SYMPK: variants seen among roughly 807,000 people sequenced by gnomAD.
SYMPK encodes the protein symplekin scaffold protein, also known as symplekin.
A neutral mutation model predicts 136.4 loss-of-function variants in SYMPK; 49 were observed. The observed-to-expected ratio is 0.36, with a 90% CI of 0.29 to 0.46. SYMPK has a LOEUF of 0.46. SYMPK is among the 20% of genes least tolerant of loss of function. SYMPK has a pLI of 1.00. For synonymous variants in SYMPK, 766 were observed against 713.0 expected (o/e 1.07, Z -1.19); for missense variants, 1,365 against 1,690.0 (o/e 0.81, Z 3.37).
chr19:45,816,794 G>A lies in SYMPK; in HGVS notation c.3258+4C>T. On this transcript the variant is annotated splice_donor_region_variant and intron_variant, in intron 24 of 26. Transcript: ENST00000245934. The stretch of plus-strand genomic sequence containing the variant: ...AAAGGGTACCTGGTGGGGGGAAGGG[G>A]TACCTGGTGGGGGGTGAAGGAGCGG... 1.3e-6 allele frequency: 2 copies of A among 1,527,000 alleles called. No homozygotes were observed. Among genetic ancestry groups the A allele is most frequent in the Non-Finnish European group, 1.8e-6 (2 of 1,136,682 alleles). 94.6% of individuals were successfully genotyped at this position (1,527,000 alleles called of 1,614,324 possible).
chr19:45,817,417 C>CTCTTTTTT lies in SYMPK; in HGVS notation c.3082-444_3082-443insAAAAAAGA, dbSNP rs1568605965. Among the ~76,000 whole-genome samples, 28 of 108,478 alleles carry CTCTTTTTT rather than the reference C, an allele frequency of 2.6e-4. 2 individuals are homozygous for CTCTTTTTT. The highest frequency in any genetic ancestry group is 8.5e-4 in the African/African-American group (24 of 28,266). 71.2% of individuals were successfully genotyped at this position (108,478 alleles called of 152,430 possible). A position where few individuals can be genotyped will look rare whatever the true frequency, so the allele number is the denominator to read the frequency against. Reference sequence around the variant, plus strand: ...CTGCGGGGTTTGGTTTTTTTGTTCTCTTTTTTTTTTTTTTTTTTTTTTTTT... The same window carrying CTCTTTTTT: ...CTGCGGGGTTTGGTTTTTTTGTTCTCTCTTTTTTTTTTTTTTTTTTTTTTTTTTTTTTT... On this transcript the variant is annotated intron_variant, in intron 23 of 26. Transcript: ENST00000245934.
intron 1 of SYMPK, among the ~76,000 whole-genome samples, chr19:45,856,269 G>A (rs1024143107): frequency 8.5e-5 from 13 of 152,056 alleles, no homozygotes; most frequent in Non-Finnish European, 1.9e-4. Context: ...GAACCCAGGA[G>A]GCGGAGGTTG....
chr19:45,827,656 C>T (rs772144823), intron 15 of SYMPK, 33 bp from the exon 16 acceptor site: 1 of 1,588,764 alleles, frequency 6.3e-7, no homozygotes, highest in East Asian at 2.2e-5. Flanking sequence ...CGAGCTCAGC[C>T]CACCTGAGTG....
intron 23 of SYMPK, among the ~76,000 whole-genome samples, chr19:45,817,417 C>CTTTTTTTTT (rs559430104): frequency 9.2e-6 from 1 of 108,476 alleles, no homozygotes; most frequent in Non-Finnish European, 1.9e-5. Context: ...TTTTTGTTCT[C>CTTTTTTTTT]TTTTTTTTTT....
Position 45,815,608 on chromosome 19 carries a change from G to A in SYMPK, c.3777C>T (p.Ser1259=). 3.1e-6 allele frequency: 5 copies of A among 1,608,706 alleles called. No homozygotes were observed. Among genetic ancestry groups the A allele is most frequent in the Middle Eastern group, 1.7e-4 (1 of 6,034 alleles). Residue 1259 remains serine (S), a synonymous_variant, in exon 27 of 27, where the codon AGC becomes AGT. Transcript: ENST00000245934. ...PVGEDAMKTP[S]PAAEDAREPE... Reference sequence around the variant, plus strand: ...GTTCCCTGGCGTCCTCGGCAGCCGGGCTGGGAGTCTTCATAGCATCTTCTC... The same window carrying A: ...GTTCCCTGGCGTCCTCGGCAGCCGGACTGGGAGTCTTCATAGCATCTTCTC...
chr19:45,831,301 GCA>G (rs1971167942), intron 12 of SYMPK, 81 bp downstream of exon 12: 1 of 913,848 alleles, frequency 1.1e-6, no homozygotes. Flanking sequence ...ACACGCACAC[GCA>G]CACGCACACG....
In SYMPK at chr19:45,854,374, C is replaced by T; in HGVS notation, c.105+17G>A. On this transcript the variant is annotated intron_variant, in intron 2 of 26. Coordinates refer to ENST00000245934, the MANE Select transcript of SYMPK (RefSeq NM_004819.3). ...GGGCTATGCTTCCTCACTCCAAGCC[C>T]TACCCGCCACGCTCACCCTCTCTGA... The T allele has an allele frequency of 1.2e-6, 2 of 1,613,270 alleles. No individual in the cohort carries two copies. The highest frequency in any genetic ancestry group is 1.7e-6 in the Non-Finnish European group (2 of 1,179,296).
chr19:45,856,188 T>C (rs1971817625), intron 1 of SYMPK, among the ~76,000 whole-genome samples: 1 of 152,044 alleles, frequency 6.6e-6, no homozygotes, highest in South Asian at 2.1e-4. Context: ...ACCCCATCTC[T>C]AGTAAAAATA....
intron 1 of SYMPK, 133 bp downstream of exon 1, chr19:45,862,925 G>A (rs1972009818): frequency 5.0e-6 from 2 of 399,552 alleles, no homozygotes; most frequent in Admixed American, 4.4e-5. Context: ...AGGGTCCTGA[G>A]CAAGGGAAGA....
At chr19:45,859,621 C>CA (rs940536990) in intron 1 of SYMPK, among the ~76,000 whole-genome samples, 1 of 151,158 alleles carries the variant, frequency 6.6e-6, no homozygotes, top group African/African-American at 2.4e-5. Flanking sequence ...AAAACAAAAA[C>CA]AAAGAAAGGA....
intron 9 of SYMPK, among the ~76,000 whole-genome samples, chr19:45,839,076 A>T (rs148260517): frequency 0.14 from 21,671 of 151,902 alleles, 1,627 homozygotes; most frequent in South Asian, 0.18. Flanking sequence ...TTTAGTAGAG[A>T]TGGGGTTTCA....
intron 1 of SYMPK, among the ~76,000 whole-genome samples, chr19:45,861,462 C>T (rs1971965904): frequency 6.6e-6 from 1 of 152,084 alleles, no homozygotes; most frequent in Non-Finnish European, 1.5e-5. Flanking sequence ...TACACAGGGC[C>T]GGGAGCGGTG....
chr19:45,816,073 C>T lies in SYMPK; in HGVS notation c.3465G>A (p.Glu1155=). Residue 1155 remains glutamate (E), a synonymous_variant, in exon 26 of 27, where the codon GAG becomes GAA. Coordinates refer to ENST00000245934, the MANE Select transcript of SYMPK (RefSeq NM_004819.3). ...CTCCTCCCGGCTTCAGCTTCTGTTC[C>T]TCCTCCAGCTGCCGCTTTAAGGCCT... ...QEKALKRQLE[E]EQKLKPGGVG... 4 of 1,559,774 alleles carry T rather than the reference C, an allele frequency of 2.6e-6. No homozygotes were observed. The highest frequency in any genetic ancestry group is 3.5e-6 in the Non-Finnish European group (4 of 1,151,926).
intron 16 of SYMPK, 88 bp downstream of exon 16, chr19:45,827,422 G>A (rs1230926313): frequency 4.7e-6 from 4 of 859,024 alleles, no homozygotes; most frequent in Non-Finnish European, 7.8e-6. Context: ...GCAAGGGAGT[G>A]TGGAAGACGT....
At chr19:45,858,619 G>A (rs953422746) in intron 1 of SYMPK, among the ~76,000 whole-genome samples, 3 of 151,998 alleles carry the variant, frequency 2.0e-5, no homozygotes, top group African/African-American at 4.8e-5. Flanking sequence ...AAGTTCAAGC[G>A]ATTCTCCTGC....
intron 10 of SYMPK, among the ~76,000 whole-genome samples, chr19:45,836,675 A>AT (rs1600511857): frequency 6.6e-6 from 1 of 151,546 alleles, no homozygotes; most frequent in East Asian, 2.0e-4. Flanking sequence ...GTCTTACTCT[A>AT]TTGTCCAGGC....
At chr19:45,838,397 G>C in intron 10 of SYMPK, 64 bp downstream of exon 10, 1 of 1,547,828 alleles carries the variant, frequency 6.5e-7, no homozygotes, top group Non-Finnish European at 8.8e-7. Context: ...AGTGGAGGCA[G>C]GTGAAAGACC....
intron 16 of SYMPK, 98 bp downstream of exon 16, chr19:45,827,412 G>T: frequency 1.3e-6 from 1 of 790,290 alleles, no homozygotes; most frequent in Non-Finnish European, 2.2e-6. Flanking sequence ...AGAGAAACTT[G>T]CAAGGGAGTG....
chr19:45,847,457 A>G (rs1971590001), intron 7 of SYMPK, among the ~76,000 whole-genome samples: 1 of 151,964 alleles, frequency 6.6e-6, no homozygotes, highest in Non-Finnish European at 1.5e-5. Context: ...AAAACTAGCT[A>G]GCATCGACTG....
Sources: gnomAD v4.1 joint callset for allele counts (sites outside exome capture counted in the v4.1 genomes callset) on GRCh38, gnomAD v4.1.1 for gene constraint, MANE v1.5 for transcripts, NCBI Gene and HGNC (gene_info 2026-07-23, HGNC 2026-07-21) for gene names.